Variants in PTPRK observed in about 807,000 individuals in gnomAD.
The protein encoded by PTPRK is protein tyrosine phosphatase receptor type K.
Under a neutral mutation model 178.0 loss-of-function variants are expected in PTPRK, and 75 were observed. The ratio of observed to expected loss-of-function variants is 0.42; its 90% CI spans 0.35 to 0.51. The LOEUF (loss-of-function observed/expected upper bound fraction) is 0.51, where lower values mean the gene tolerates loss of function less well. Among genes scored for constraint, PTPRK ranks in the 20% least tolerant of loss-of-function variants. The pLI is 0.02. For synonymous variants in PTPRK, 637 were observed against 620.6 expected, an observed-to-expected ratio of 1.03 and a Z score of -0.39; for missense variants, 1,441 against 1,797.8, an observed-to-expected ratio of 0.80 and a Z score of 3.59.
intron 13 of PTPRK, among the ~76,000 whole-genome samples, chr6:128,035,798 ACT>A (rs1286513053): frequency 6.6e-6 from 1 of 151,906 alleles, no homozygotes; most frequent in East Asian, 1.9e-4. Flanking sequence ...TTAGATTAAG[ACT>A]CTATAATATT....
chr6:128,183,717 G>C (rs1802303055), intron 7 of PTPRK, among the ~76,000 whole-genome samples: 1 of 152,092 alleles, frequency 6.6e-6, no homozygotes, highest in South Asian at 2.1e-4. Flanking sequence ...CTTTTTATTG[G>C]CTTTTAATTA....
At chr6:128,128,438 T>C (rs1244138239) in intron 7 of PTPRK, among the ~76,000 whole-genome samples, 1 of 152,220 alleles carries the variant, frequency 6.6e-6, no homozygotes, top group Non-Finnish European at 1.5e-5. Flanking sequence ...CTATCCAAAT[T>C]GCCCTTCAAA....
intron 13 of PTPRK, among the ~76,000 whole-genome samples, chr6:128,017,810 A>G (rs959547094): frequency 0.03 from 3,330 of 111,578 alleles, 173 homozygotes; most frequent in African/African-American, 0.15. Context: ...GTGTATATAT[A>G]TATATATATA....
intron 13 of PTPRK, among the ~76,000 whole-genome samples, chr6:128,053,697 G>A (rs928762708): frequency 1.3e-5 from 2 of 152,120 alleles, no homozygotes; most frequent in Non-Finnish European, 2.9e-5. Context: ...ATGAAGACAA[G>A]CTTCTGAATC....
At position 128,005,103 on chromosome 6, in the gene PTPRK, T is replaced by C. The variant is rs780830865; in HGVS notation, c.2475A>G (p.Gln825=). Residue 825 remains glutamine (Q), a synonymous_variant, in exon 15 of 30, where the codon CAA becomes CAG. Coordinates refer to ENST00000368226, the MANE Select transcript of PTPRK (RefSeq NM_002844.4). ...ACTTACATCTTGGACTAAAGTTATG[T>C]TGGTCCATGAAGGTGATGGAAAGAG... ...EDPLSITFMD[Q]HNFSPRYENH... The C allele has an allele frequency of 1.2e-6, 2 of 1,609,160 alleles. No homozygotes were observed. The highest frequency in any genetic ancestry group is 2.2e-5 in the East Asian group (1 of 44,716).
intron 3 of PTPRK, among the ~76,000 whole-genome samples, chr6:128,259,944 T>C (rs965001242): frequency 5.9e-5 from 9 of 152,176 alleles, no homozygotes; most frequent in African/African-American, 2.2e-4. Context: ...AACATGGACG[T>C]AATTTCATAG....
chr6:128,150,029 C>G (rs1797035602), intron 7 of PTPRK, among the ~76,000 whole-genome samples: 2 of 152,098 alleles, frequency 1.3e-5, no homozygotes, highest in African/African-American at 4.8e-5. Flanking sequence ...GATGATGAAA[C>G]AGACATAATG....
Position 128,327,686 on chromosome 6 carries a change from T to C in PTPRK, c.224-5376A>G, listed in dbSNP as rs551620943. On this transcript the variant is annotated intron_variant, in intron 2 of 29. Coordinates refer to ENST00000368226, the MANE Select transcript of PTPRK (RefSeq NM_002844.4). Reference sequence around the variant, plus strand: ...GTTCTCTTAGAAAGCACCTGAATTATTCAGAGTCCAATCAGAAGAGAGAAG... The same window carrying C: ...GTTCTCTTAGAAAGCACCTGAATTACTCAGAGTCCAATCAGAAGAGAGAAG... Among the ~76,000 whole-genome samples, 7 of 152,316 alleles carry C rather than the reference T, an allele frequency of 4.6e-5. No individual in the cohort carries two copies. The South Asian group carries it at 1.5e-3, about 32-fold the overall frequency.
At chr6:128,031,711 T>C (rs1408704943) in intron 13 of PTPRK, among the ~76,000 whole-genome samples, 3 of 152,220 alleles carry the variant, frequency 2.0e-5, no homozygotes, top group Non-Finnish European at 2.9e-5. Flanking sequence ...TCAAAACTGC[T>C]TGGGCTGGGC....
intron 1 of PTPRK, among the ~76,000 whole-genome samples, chr6:128,410,103 T>G (rs979494197): frequency 6.6e-6 from 1 of 152,168 alleles, no homozygotes; most frequent in Non-Finnish European, 1.5e-5. Flanking sequence ...ACCAAGAAGG[T>G]ACATGGAGGA....
intron 6 of PTPRK, among the ~76,000 whole-genome samples, chr6:128,215,229 G>C (rs1041103779): frequency 6.6e-6 from 1 of 152,166 alleles, no homozygotes; most frequent in Non-Finnish European, 1.5e-5. Context: ...AGGTCAGCTG[G>C]TTCGAGATGT....
chr6:128,219,105 A>C lies in PTPRK; in HGVS notation c.694-9T>G. On this transcript the variant is annotated splice_polypyrimidine_tract_variant and intron_variant, in intron 5 of 29. Coordinates refer to ENST00000368226, the MANE Select transcript of PTPRK (RefSeq NM_002844.4). ...TCTTCTCCATTTCGTCTCTGCAAACAGAAACCAATCTTTAAAAACAGGTTC... is the reference window on the plus strand; with the variant it reads ...TCTTCTCCATTTCGTCTCTGCAAACCGAAACCAATCTTTAAAAACAGGTTC... 6.2e-7 allele frequency: 1 copy of C among 1,602,838 alleles called. No homozygotes were observed. Among genetic ancestry groups the C allele is most frequent in the Non-Finnish European group, 8.5e-7 (1 of 1,172,410 alleles).
At chr6:128,476,151 C>T (rs577575681) in intron 1 of PTPRK, among the ~76,000 whole-genome samples, 1 of 152,120 alleles carries the variant, frequency 6.6e-6, no homozygotes, top group South Asian at 2.1e-4. Flanking sequence ...CCCCATAAGG[C>T]AGTCTTTGTG....
intron 6 of PTPRK, among the ~76,000 whole-genome samples, chr6:128,205,136 A>G (rs1056143570): frequency 1.3e-5 from 2 of 152,196 alleles, no homozygotes; most frequent in African/African-American, 4.8e-5. Context: ...CTTGGAAGCT[A>G]TTATCCTCAG....
intron 13 of PTPRK, among the ~76,000 whole-genome samples, chr6:128,039,982 T>C (rs972695695): frequency 8.5e-5 from 13 of 152,174 alleles, no homozygotes; most frequent in African/African-American, 3.1e-4. Flanking sequence ...ACCATGATGA[T>C]GTGAATTCTA....
chr6:128,183,311 A>G (rs1039379358), intron 7 of PTPRK, among the ~76,000 whole-genome samples: 2 of 152,182 alleles, frequency 1.3e-5, no homozygotes, highest in African/African-American at 4.8e-5. Context: ...GACATACAGA[A>G]TATTTGAAAA....
At chr6:128,022,656 T>C (rs897584220) in intron 13 of PTPRK, among the ~76,000 whole-genome samples, 19 of 152,170 alleles carry the variant, frequency 1.2e-4, no homozygotes, top group African/African-American at 4.3e-4. Flanking sequence ...TCCTCCAGTA[T>C]TGCCAGATCA....
chr6:128,419,819 T>C (rs1464811865), intron 1 of PTPRK, among the ~76,000 whole-genome samples: 1 of 152,130 alleles, frequency 6.6e-6, no homozygotes, highest in Admixed American at 6.5e-5. Flanking sequence ...AAAAAACTGT[T>C]AAGCAATAAT....
intron 3 of PTPRK, among the ~76,000 whole-genome samples, chr6:128,313,774 G>A (rs1359590838): frequency 2.0e-5 from 3 of 152,104 alleles, no homozygotes; most frequent in Non-Finnish European, 4.4e-5. Context: ...TAAGGTGAGA[G>A]AAAATAGGAA....
Sources: allele counts gnomAD v4.1 joint callset (sites outside exome capture counted in the v4.1 genomes callset), GRCh38; gene constraint gnomAD v4.1.1; transcripts MANE v1.5; gene names NCBI Gene and HGNC (gene_info 2026-07-23, HGNC 2026-07-21).